The following PLCL1 variants were observed in gnomAD, a reference collection of about 807,000 sequenced individuals.
PLCL1 encodes the protein inactive phospholipase C-like protein 1.
A neutral mutation model predicts 84.4 loss-of-function variants in PLCL1; 41 were observed. The ratio of observed to expected loss-of-function variants is 0.49; its 90% CI spans 0.38 to 0.63. The LOEUF (loss-of-function observed/expected upper bound fraction) is 0.63. PLCL1 is among the 30% of genes least tolerant of loss of function. PLCL1 has a pLI of 0.00. For synonymous variants in PLCL1, 490 were observed against 488.3 expected, an observed-to-expected ratio of 1.00 and a Z score of -0.05; for missense variants, 1,206 against 1,367.8, an observed-to-expected ratio of 0.88 and a Z score of 1.87.
intron 1 of PLCL1, among the ~76,000 whole-genome samples, chr2:197,869,240 T>C (rs1164993459): frequency 6.6e-6 from 1 of 152,150 alleles, no homozygotes; most frequent in Non-Finnish European, 1.5e-5. Flanking sequence ...CCCTATTGTT[T>C]CTATCATATC....
chr2:197,916,091 C>T (rs1688593890), intron 1 of PLCL1, among the ~76,000 whole-genome samples: 2 of 152,156 alleles, frequency 1.3e-5, no homozygotes, highest in South Asian at 4.1e-4. Flanking sequence ...GCAAAGATTG[C>T]CTAATTCTTC....
intron 1 of PLCL1, among the ~76,000 whole-genome samples, chr2:197,884,809 C>T (rs1313828640): frequency 6.6e-6 from 1 of 152,046 alleles, no homozygotes; most frequent in Non-Finnish European, 1.5e-5. Context: ...TTTCAGTTAC[C>T]TCCTGATTAA....
chr2:197,928,625 A>G (rs560392571), intron 1 of PLCL1, among the ~76,000 whole-genome samples: 1 of 152,308 alleles, frequency 6.6e-6, no homozygotes, highest in East Asian at 1.9e-4. Context: ...CCACAATTCT[A>G]AAAGTATTTA....
intron 1 of PLCL1, among the ~76,000 whole-genome samples, chr2:198,069,406 T>C (rs1468218989): frequency 2.0e-5 from 3 of 152,072 alleles, no homozygotes; most frequent in African/African-American, 7.2e-5. Context: ...AGAGGATTGC[T>C]TGAGCCCAGG....
intron 1 of PLCL1, among the ~76,000 whole-genome samples, chr2:197,886,486 T>TG (rs1687926965): frequency 1.4e-5 from 2 of 141,158 alleles, no homozygotes; most frequent in South Asian, 4.6e-4. Flanking sequence ...TCCCAGTTCC[T>TG]GGGGGCAAGG....
At chr2:197,840,473 A>G (rs192494636) in intron 1 of PLCL1, among the ~76,000 whole-genome samples, 2 of 152,192 alleles carry the variant, frequency 1.3e-5, no homozygotes, top group East Asian at 3.9e-4. Context: ...CTTGTTCACT[A>G]ACTTCTCCAT....
intron 1 of PLCL1, among the ~76,000 whole-genome samples, chr2:197,878,156 C>T (rs1687771374): frequency 6.6e-6 from 1 of 152,128 alleles, no homozygotes; most frequent in Non-Finnish European, 1.5e-5. Flanking sequence ...TGTTGAGATG[C>T]AAAACTTTTA....
rs148750036 is a variant in PLCL1 at position 197,837,904 on chromosome 2, G to A, written c.240+32565G>A. ...ACAGCAGCATTTGTTTGAAATTGGG[G>A]GCTCCTTTTTTCCAATTACATTTTT... On this transcript the variant is annotated intron_variant, in intron 1 of 5. Coordinates refer to ENST00000428675, the MANE Select transcript of PLCL1 (RefSeq NM_006226.4). Among the ~76,000 whole-genome samples, 912 of 152,074 alleles carry A rather than the reference G, an allele frequency of 6.0e-3. 10 individuals carry two copies. Among genetic ancestry groups the A allele is most frequent in the African/African-American group, 0.021 (870 of 41,478 alleles).
chr2:198,116,032 T>C (rs73063031), intron 5 of PLCL1, among the ~76,000 whole-genome samples: 5,920 of 148,482 alleles, frequency 0.04, 377 homozygotes, highest in African/African-American at 0.14. Context: ...TACATGTATA[T>C]ATAAAATGTT....
chr2:198,033,940 G>A (rs2105851971), intron 1 of PLCL1, among the ~76,000 whole-genome samples: 1 of 152,084 alleles, frequency 6.6e-6, no homozygotes, highest in South Asian at 2.1e-4. Context: ...TGTATGTGGT[G>A]CACACGTTTC....
intron 1 of PLCL1, among the ~76,000 whole-genome samples, chr2:198,049,317 C>T (rs1691874850): frequency 6.6e-6 from 1 of 152,142 alleles, no homozygotes; most frequent in South Asian, 2.1e-4. Flanking sequence ...CCTTTTGACC[C>T]TTTGTTCTAA....
At chr2:197,955,937 A>T (rs138931462) in intron 1 of PLCL1, among the ~76,000 whole-genome samples, 2 of 151,758 alleles carry the variant, frequency 1.3e-5, no homozygotes, top group African/African-American at 4.8e-5. Flanking sequence ...CCTCACATGC[A>T]TTAGGTATTT....
At chr2:198,088,496 C>T (rs902718361) in intron 2 of PLCL1, among the ~76,000 whole-genome samples, 1 of 152,180 alleles carries the variant, frequency 6.6e-6, no homozygotes. Flanking sequence ...TGAGCAGTAG[C>T]ATCCTGCTAC....
intron 1 of PLCL1, among the ~76,000 whole-genome samples, chr2:197,954,699 T>G (rs1470307063): frequency 2.0e-5 from 3 of 152,060 alleles, no homozygotes; most frequent in African/African-American, 7.2e-5. Flanking sequence ...TTCTATGAAT[T>G]TCACACTTAA....
chr2:198,040,867 A>G (rs1395427904), intron 1 of PLCL1, among the ~76,000 whole-genome samples: 1 of 152,164 alleles, frequency 6.6e-6, no homozygotes, highest in Non-Finnish European at 1.5e-5. Flanking sequence ...ACATTTACCC[A>G]AATATGTGAA....
At chr2:198,074,647 A>G (rs1692537589) in intron 1 of PLCL1, among the ~76,000 whole-genome samples, 1 of 152,154 alleles carries the variant, frequency 6.6e-6, no homozygotes, top group Non-Finnish European at 1.5e-5. Flanking sequence ...TCAAAAACAA[A>G]CAACAAACAA....
Position 198,084,557 on chromosome 2 carries a change from A to T in PLCL1, c.1040A>T (p.His347Leu). Reference sequence around the variant, plus strand: ...TTAGAAGCTGAGCAAGGAGTCACCCATATCACCGAGGATATATGCTTAGAC... The same window carrying T: ...TTAGAAGCTGAGCAAGGAGTCACCCTTATCACCGAGGATATATGCTTAGAC... ...LFLEAEQGVT[H>L]ITEDICLDII... is the part of the protein sequence containing the mutation. Residue 347 changes from histidine to leucine, a missense_variant, in exon 2 of 6, where the codon CAT (histidine) becomes CTT (leucine). Coordinates refer to ENST00000428675, the MANE Select transcript of PLCL1 (RefSeq NM_006226.4). 6.2e-7 allele frequency: 1 copy of T among 1,613,858 alleles called. No individual in the cohort carries two copies. Among genetic ancestry groups the T allele is most frequent in the Non-Finnish European group, 8.5e-7 (1 of 1,179,734 alleles).
At chr2:197,851,893 A>G (rs1301131132) in intron 1 of PLCL1, among the ~76,000 whole-genome samples, 3 of 152,150 alleles carry the variant, frequency 2.0e-5, no homozygotes, top group Admixed American at 6.5e-5. Context: ...TTAAGATTGC[A>G]TTTCTGTACC....
chr2:198,060,888 G>A (rs1028634244), intron 1 of PLCL1, among the ~76,000 whole-genome samples: 5 of 152,030 alleles, frequency 3.3e-5, no homozygotes, highest in African/African-American at 1.2e-4. Context: ...AATGTTAATC[G>A]GATTGTCTCA....
Sources: allele counts gnomAD v4.1 joint callset (sites outside exome capture counted in the v4.1 genomes callset), GRCh38; gene constraint gnomAD v4.1.1; transcripts MANE v1.5; gene names NCBI Gene and HGNC (gene_info 2026-07-23, HGNC 2026-07-21).